Variants in LUZP1 observed in about 807,000 individuals in gnomAD.
LUZP1 encodes the protein leucine zipper protein 1.
LUZP1 carries 25 observed loss-of-function variants against 71.3 expected under a neutral mutation model. That is an observed-to-expected ratio of 0.35 (90% confidence interval 0.26 to 0.49). The LOEUF (loss-of-function observed/expected upper bound fraction) is 0.49. Ranked by LOEUF, LUZP1 falls within the 20% of genes least tolerant of loss-of-function variation. LUZP1 has a pLI of 0.99. For missense variants in LUZP1, 1,142 were observed against 1,300.8 expected (o/e 0.88, Z 1.88); for synonymous variants, 481 against 506.4 (o/e 0.95, Z 0.67).
chr1:23,178,046 C>CG (rs1041297138), upstream of LUZP1, among the ~76,000 whole-genome samples: 1 of 152,180 alleles, frequency 6.6e-6, no homozygotes, highest in African/African-American at 2.4e-5. Context: ...TTGCGCTGAA[C>CG]GGGGCTGCTT....
chr1:23,164,254 G>C (rs939784837), intron 2 of LUZP1, among the ~76,000 whole-genome samples: 1 of 152,168 alleles, frequency 6.6e-6, no homozygotes, highest in African/African-American at 2.4e-5. Context: ...CCAGCACTTT[G>C]GGAGGCCGAA....
intron 3 of LUZP1, among the ~76,000 whole-genome samples, chr1:23,104,223 A>G (rs1353836257): frequency 6.7e-6 from 1 of 148,498 alleles, no homozygotes; most frequent in Non-Finnish European, 1.5e-5. Context: ...TCCATCGTCC[A>G]GGTTGGAGTG....
chr1:23,127,888 T>G (rs1644184608), intron 2 of LUZP1, among the ~76,000 whole-genome samples: 1 of 152,100 alleles, frequency 6.6e-6, no homozygotes, highest in South Asian at 2.1e-4. Context: ...ATCCCAGTAC[T>G]TTGGGAGGCC....
chr1:23,129,088 T>C (rs1233114016), intron 2 of LUZP1, among the ~76,000 whole-genome samples: 1 of 152,224 alleles, frequency 6.6e-6, no homozygotes, highest in Non-Finnish European at 1.5e-5. Flanking sequence ...GAGACTGATA[T>C]GAAATGATAA....
chr1:23,134,614 AC>A (rs1450720312), intron 2 of LUZP1, among the ~76,000 whole-genome samples: 2 of 152,106 alleles, frequency 1.3e-5, no homozygotes, highest in African/African-American at 4.8e-5. Context: ...CCCTGTCTCT[AC>A]AAAAAAATTT....
exon 5 of LUZP1, chr1:23,087,883 C>G (rs570005274): frequency 2.6e-5 from 4 of 152,608 alleles, no homozygotes; most frequent in African/African-American, 9.7e-5. Context: ...TGGTAAAGTG[C>G]GATGCCTCCT....
chr1:23,154,980 C>G (rs542580575), intron 2 of LUZP1, among the ~76,000 whole-genome samples: 30 of 152,106 alleles, frequency 2.0e-4, no homozygotes, highest in African/African-American at 7.0e-4. Flanking sequence ...GATCTAGTCT[C>G]AAAACAAAAT....
At chr1:23,168,379 T>C (rs1309542563) in intron 2 of LUZP1, among the ~76,000 whole-genome samples, 12 of 57,556 alleles carry the variant, frequency 2.1e-4, no homozygotes, top group African/African-American at 7.8e-4. Context: ...CCCCAAACTC[T>C]ACCCCCGAAA....
intron 2 of LUZP1, among the ~76,000 whole-genome samples, chr1:23,111,810 C>T (rs1644036776): frequency 6.6e-6 from 1 of 151,846 alleles, no homozygotes; most frequent in Non-Finnish European, 1.5e-5. Flanking sequence ...AAACACCGCC[C>T]CCCCACACAC....
At chr1:23,150,843 C>T (rs1644377929) in intron 2 of LUZP1, among the ~76,000 whole-genome samples, 1 of 152,116 alleles carries the variant, frequency 6.6e-6, no homozygotes. Flanking sequence ...CTGAAATATC[C>T]TTTAATTTCA....
chr1:23,166,653 CAAAAAAAAAA>C (rs538327046), intron 2 of LUZP1, among the ~76,000 whole-genome samples: 35 of 70,896 alleles, frequency 4.9e-4, no homozygotes, highest in Admixed American at 2.1e-3. Context: ...CACTCCGTCT[CAAAAAAAAAA>C]AAAAAAAAAA....
chr1:23,148,676 G>A (rs1301418409), intron 2 of LUZP1, among the ~76,000 whole-genome samples: 2 of 152,124 alleles, frequency 1.3e-5, no homozygotes, highest in African/African-American at 4.8e-5. Context: ...TTTGTTTCAT[G>A]AAACCATGCT....
chr1:23,089,164 G>A (rs1453213987), intron 4 of LUZP1, 111 bp from the exon 4 acceptor site: 6 of 927,704 alleles, frequency 6.5e-6, no homozygotes, highest in Middle Eastern at 2.2e-4. Context: ...GGCAGATATA[G>A]CCCAGACAGG....
intron 2 of LUZP1, among the ~76,000 whole-genome samples, chr1:23,146,810 A>G (rs759334044): frequency 4.6e-5 from 7 of 151,816 alleles, no homozygotes; most frequent in South Asian, 4.2e-4. Flanking sequence ...AAAAATAATA[A>G]TAATAGGCTG....
At chr1:23,172,060 C>A (rs1193590449) in intron 1 of LUZP1, among the ~76,000 whole-genome samples, 2 of 152,184 alleles carry the variant, frequency 1.3e-5, no homozygotes, top group African/African-American at 4.8e-5. Flanking sequence ...ATAATACTAC[C>A]TTTCTCACAC....
At chr1:23,088,809 T>TA (rs1643806882) in exon 5 of LUZP1, 2 of 1,515,608 alleles carry the variant, frequency 1.3e-6, no homozygotes, top group Non-Finnish European at 1.8e-6. Context: ...CTTGCCTGGT[T>TA]AACTGGCCTT....
intron 2 of LUZP1, among the ~76,000 whole-genome samples, chr1:23,117,544 G>A (rs1274768253): frequency 8.7e-6 from 1 of 114,376 alleles, no homozygotes; most frequent in Non-Finnish European, 1.7e-5. Flanking sequence ...CCTTGAGAAA[G>A]TAACTTGCCC....
intron 3 of LUZP1, among the ~76,000 whole-genome samples, chr1:23,098,461 G>A (rs1643905878): frequency 6.6e-6 from 1 of 152,150 alleles, no homozygotes; most frequent in African/African-American, 2.4e-5. Flanking sequence ...ATCCTGTGGG[G>A]GAGTAGGGAG....
At chr1:23,108,095 G>A (rs562042017) in intron 3 of LUZP1, among the ~76,000 whole-genome samples, 14 of 152,246 alleles carry the variant, frequency 9.2e-5, no homozygotes, top group East Asian at 7.7e-4. Flanking sequence ...GCCACTGACC[G>A]TTCAAGTTCT....
Sources: gnomAD v4.1 joint callset for allele counts (sites outside exome capture counted in the v4.1 genomes callset) on GRCh38, gnomAD v4.1.1 for gene constraint, MANE v1.5 for transcripts, NCBI Gene and HGNC (gene_info 2026-07-23, HGNC 2026-07-21) for gene names.